ZCWPW2: variants seen among roughly 807,000 people sequenced by gnomAD.
ZCWPW2 encodes zinc finger CW-type PWWP domain protein 2.
ZCWPW2 carries 45 observed loss-of-function variants against 46.6 expected under a neutral mutation model. The observed-to-expected ratio is 0.96, with a 90% CI of 0.76 to 1.24. ZCWPW2 has a LOEUF of 1.24. ZCWPW2 is among the 50% of genes most tolerant of loss of function. ZCWPW2 has a pLI of 0.00. For synonymous variants in ZCWPW2, 152 were observed against 137.1 expected, an observed-to-expected ratio of 1.11 and a Z score of -0.76; for missense variants, 429 against 403.9, an observed-to-expected ratio of 1.06 and a Z score of -0.53.
intron 5 of ZCWPW2, among the ~76,000 whole-genome samples, chr3:28,479,501 T>C (rs527944909): frequency 2.1e-4 from 32 of 152,298 alleles, no homozygotes; most frequent in Non-Finnish European, 2.9e-5. Context: ...ATTTGAAAGA[T>C]TATAGTAGGT....
At chr3:28,387,797 GTAATT>G (rs1695330309) in intron 1 of ZCWPW2, among the ~76,000 whole-genome samples, 3 of 152,162 alleles carry the variant, frequency 2.0e-5, no homozygotes, top group Non-Finnish European at 4.4e-5. Flanking sequence ...GCTCTGGAAT[GTAATT>G]TTAGAATCTA....
intron 6 of ZCWPW2, among the ~76,000 whole-genome samples, chr3:28,492,790 GA>G (rs1402354980): frequency 1.3e-5 from 2 of 152,106 alleles, no homozygotes; most frequent in African/African-American, 4.8e-5. Context: ...TAAACAAAGA[GA>G]AAGAGTTGGT....
chr3:28,450,279 C>G (rs1287412256), intron 4 of ZCWPW2, among the ~76,000 whole-genome samples: 2 of 152,138 alleles, frequency 1.3e-5, no homozygotes, highest in Non-Finnish European at 2.9e-5. Context: ...TAGCCTTTCT[C>G]TTTCATTTGC....
intron 5 of ZCWPW2, among the ~76,000 whole-genome samples, chr3:28,489,319 A>G (rs886647762): frequency 7.9e-5 from 12 of 152,126 alleles, no homozygotes; most frequent in Non-Finnish European, 1.5e-4. Flanking sequence ...TCAAAAGAAC[A>G]AAGAGTAAAT....
At chr3:28,484,607 G>T (rs1014345676) in intron 5 of ZCWPW2, among the ~76,000 whole-genome samples, 1 of 151,950 alleles carries the variant, frequency 6.6e-6, no homozygotes. Context: ...AATGTCCATG[G>T]GATTTGTTAT....
chr3:28,417,099 C>T (rs552592619), intron 3 of ZCWPW2, among the ~76,000 whole-genome samples: 4 of 147,110 alleles, frequency 2.7e-5, no homozygotes, highest in African/African-American at 1.0e-4. Context: ...AATTGATAGA[C>T]CGCTAGGAAG....
chr3:28,356,930 C>A (rs1704755051), intron 1 of ZCWPW2, among the ~76,000 whole-genome samples: 2 of 151,878 alleles, frequency 1.3e-5, no homozygotes, highest in Admixed American at 1.3e-4. Context: ...GTGCAGCACA[C>A]CAACATGGCA....
chr3:28,420,034 C>T (rs1696701487), intron 3 of ZCWPW2, among the ~76,000 whole-genome samples: 1 of 150,372 alleles, frequency 6.7e-6, no homozygotes, highest in African/African-American at 2.5e-5. Context: ...TGTAACAAAC[C>T]TGCACGTTGT....
At chr3:28,406,173 T>C (rs1392403406) in intron 2 of ZCWPW2, among the ~76,000 whole-genome samples, 1 of 152,176 alleles carries the variant, frequency 6.6e-6, no homozygotes, top group African/African-American at 2.4e-5. Flanking sequence ...GATGGAGTTG[T>C]TTATCAAAAG....
chr3:28,365,943 C>T lies in ZCWPW2; in HGVS notation c.-134+16740C>T, dbSNP rs1447244185. Among the ~76,000 whole-genome samples, 55 of 137,022 alleles carry T rather than the reference C, an allele frequency of 4.0e-4. 6 individuals are homozygous for T. Among genetic ancestry groups the T allele is most frequent in the South Asian group, 7.0e-4 (3 of 4,266 alleles). The allele number at this position is 137,022 out of a possible 152,430, so 89.9% of individuals were successfully genotyped here. ...GGGAGTTCACTCATGATTTGACTCT[C>T]TGTCTGTTATTGGTGTATAAGAATG... On this transcript the variant is annotated intron_variant, in intron 1 of 9. Coordinates refer to ENST00000383768, the MANE Select transcript of ZCWPW2 (RefSeq NM_001040432.4).
At chr3:28,378,228 A>G (rs1705563875) in intron 1 of ZCWPW2, among the ~76,000 whole-genome samples, 1 of 152,042 alleles carries the variant, frequency 6.6e-6, no homozygotes, top group Non-Finnish European at 1.5e-5. Context: ...ACGAACAGTG[A>G]AAGTTAAATA....
intron 6 of ZCWPW2, among the ~76,000 whole-genome samples, chr3:28,502,899 G>A (rs969726849): frequency 1.3e-5 from 2 of 152,078 alleles, no homozygotes; most frequent in African/African-American, 2.4e-5. Flanking sequence ...AACAAAAATT[G>A]AGGTTTATCT....
Position 28,348,779 on chromosome 3 carries a change from C to T in ZCWPW2, c.-558C>T, listed in dbSNP as rs981007717. The T allele has an allele frequency of 1.0e-5, 2 of 191,804 alleles. No homozygotes were observed. Among genetic ancestry groups the T allele is most frequent in the Admixed American group, 6.5e-5 (1 of 15,324 alleles). The allele number at this position is 191,804 out of a possible 1,614,324, so 11.9% of individuals were successfully genotyped here. A position where few individuals can be genotyped will look rare whatever the true frequency, so the allele number is the denominator to read the frequency against. Reference sequence around the variant, plus strand: ...GCTCCGGGCACGTCGCGGAGGGAGTCCCATTTCTTCTGACTCGGCAGGAGC... The same window carrying T: ...GCTCCGGGCACGTCGCGGAGGGAGTTCCATTTCTTCTGACTCGGCAGGAGC... On this transcript the variant is annotated 5_prime_UTR_variant, in exon 1 of 10. Coordinates refer to ENST00000383768, the MANE Select transcript of ZCWPW2 (RefSeq NM_001040432.4).
chr3:28,380,934 GTATATATATATATATA>G lies in ZCWPW2; in HGVS notation c.-133-9542_-133-9527del, dbSNP rs578178124. Among the ~76,000 whole-genome samples, 14 of 13,434 alleles carry G rather than the reference GTATATATATATATATA, an allele frequency of 1.0e-3. 2 individuals are homozygous for G. The highest frequency in any genetic ancestry group is 5.4e-3 in the South Asian group (1 of 186). 8.8% of individuals were successfully genotyped at this position (13,434 alleles called of 152,430 possible). A position where few individuals can be genotyped will look rare whatever the true frequency, so the allele number is the denominator to read the frequency against. ...ACTTTACCAAATATATATATATTTGGTATATATATATATATATATATATATATATATATATATTTGG... is the reference window on the plus strand; with the variant it reads ...ACTTTACCAAATATATATATATTTGGTATATATATATATATATATATTTGG... On this transcript the variant is annotated intron_variant, in intron 1 of 9. Transcript: ENST00000383768.
intron 1 of ZCWPW2, among the ~76,000 whole-genome samples, chr3:28,363,194 CT>C (rs1402194978): frequency 3.3e-5 from 5 of 151,918 alleles, no homozygotes; most frequent in African/African-American, 1.2e-4. Flanking sequence ...ACATGTACCC[CT>C]GAACCTAAAA....
intron 1 of ZCWPW2, among the ~76,000 whole-genome samples, chr3:28,356,769 C>T (rs991175560): frequency 1.3e-5 from 2 of 152,168 alleles, no homozygotes; most frequent in African/African-American, 4.8e-5. Flanking sequence ...AAACCAAACA[C>T]CGCATGTTCT....
intron 4 of ZCWPW2, among the ~76,000 whole-genome samples, chr3:28,471,398 G>T (rs1286198270): frequency 6.6e-6 from 1 of 152,106 alleles, no homozygotes; most frequent in African/African-American, 2.4e-5. Context: ...TTAACACGAT[G>T]ATTCATTATG....
chr3:28,489,699 C>T (rs1387119869), intron 5 of ZCWPW2, among the ~76,000 whole-genome samples: 7 of 149,514 alleles, frequency 4.7e-5, no homozygotes, highest in African/African-American at 1.5e-4. Flanking sequence ...CACACACACA[C>T]ACACACCCCA....
chr3:28,399,962 G>A (rs1463034580), intron 2 of ZCWPW2, among the ~76,000 whole-genome samples: 2 of 152,060 alleles, frequency 1.3e-5, no homozygotes, highest in African/African-American at 4.8e-5. Context: ...GAATACAGGA[G>A]GTTAGTTATT....
Sources: allele counts gnomAD v4.1 joint callset (sites outside exome capture counted in the v4.1 genomes callset), GRCh38; gene constraint gnomAD v4.1.1; transcripts MANE v1.5; gene names NCBI Gene and HGNC (gene_info 2026-07-23, HGNC 2026-07-21).